The following RRM2 variants were observed in gnomAD, a reference collection of about 807,000 sequenced individuals.
RRM2 encodes ribonucleotide reductase regulatory subunit M2.
In RRM2, 6 loss-of-function variants were observed where a neutral mutation model predicts 45.9. The observed-to-expected ratio is 0.13, with a 90% CI of 0.07 to 0.26. The LOEUF (loss-of-function observed/expected upper bound fraction) is 0.26, where lower values mean the gene tolerates loss of function less well. RRM2 is among the 10% of genes least tolerant of loss of function. The pLI, the probability that RRM2 is intolerant of heterozygous loss-of-function variation, is 1.00. For synonymous variants in RRM2, 177 were observed against 173.0 expected (o/e 1.02, Z -0.18); for missense variants, 343 against 489.5 (o/e 0.70, Z 2.82).
At chr2:10,138,913 G>T (rs1296238444), upstream of RRM2, among the ~76,000 whole-genome samples, 1 of 152,144 alleles carries the variant, frequency 6.6e-6, no homozygotes, top group African/African-American at 2.4e-5. Flanking sequence ...TTTGAGACCA[G>T]CCTGGCCAAC....
chr2:10,167,509 G>T (rs920197892), intron 3 of RRM2, among the ~76,000 whole-genome samples: 1 of 152,148 alleles, frequency 6.6e-6, no homozygotes, highest in Non-Finnish European at 1.5e-5. Context: ...GGCTCTGCAC[G>T]CTGCGCCCTG....
At chr2:10,123,654 CTTAAAG>C (rs1662718661) in intron 3 of RRM2, 76 bp from the exon 4 acceptor site, 2 of 1,427,414 alleles carry the variant, frequency 1.4e-6, no homozygotes, top group African/African-American at 1.4e-5. Flanking sequence ...TGCCAGCATA[CTTAAAG>C]TTTGAGTGCT....
intron 3 of RRM2, among the ~76,000 whole-genome samples, chr2:10,143,678 T>C (rs1663133131): frequency 1.3e-5 from 2 of 152,148 alleles, no homozygotes; most frequent in Admixed American, 1.3e-4. Context: ...TGCACAATTT[T>C]TTTTTTTCTT....
At position 10,171,146 on chromosome 2, in the gene RRM2, G is replaced by T. The variant is rs983411685; in HGVS notation, n.482+28771G>T. 1.3e-5 allele frequency among the ~76,000 whole-genome samples: 2 copies of T among 152,230 alleles called. No individual in the cohort carries two copies. Among genetic ancestry groups the T allele is most frequent in the African/African-American group, 4.8e-5 (2 of 41,462 alleles). On this transcript the variant is annotated intron_variant and non_coding_transcript_variant, in intron 3 of 3. Coordinates refer to the RRM2 transcript ENST00000381786. This position sits in a 1 kb window ranked among gnomAD's most constrained non-coding sequence, Gnocchi z 4.1. ...GGGGCCTGCACAGACCCCAGGCATC[G>T]AGCCTGCGATGGGGCAACGTGTGGT...
chr2:10,140,279 A>G (rs1663057024), upstream of RRM2, among the ~76,000 whole-genome samples: 1 of 152,050 alleles, frequency 6.6e-6, no homozygotes, highest in South Asian at 2.1e-4. Flanking sequence ...TCAAAAGAAC[A>G]TTTCGTGTTG....
At chr2:10,162,352 G>T (rs886355522) in intron 3 of RRM2, among the ~76,000 whole-genome samples, 1 of 152,198 alleles carries the variant, frequency 6.6e-6, no homozygotes, top group Non-Finnish European at 1.5e-5. Context: ...GTGTGGGCGT[G>T]TGCAGGGCGG....
At position 10,196,780 on chromosome 2, in the gene RRM2, C is replaced by T. The variant is rs192501813; in HGVS notation, n.483-13531C>T. Among the ~76,000 whole-genome samples the T allele has an allele frequency of 1.9e-3, 285 of 152,344 alleles. 2 individuals are homozygous for T. Among genetic ancestry groups the T allele is most frequent in the African/African-American group, 6.5e-3 (269 of 41,582 alleles). ...AGATGCCAAGCCAGAGCCGGGAGGC[C>T]AGAGGGAGGGCCGCAGCCGGGACAG... On this transcript the variant is annotated intron_variant and non_coding_transcript_variant, in intron 3 of 3. Coordinates refer to the RRM2 transcript ENST00000381786.
At chr2:10,193,633 C>A (rs1021982288) in intron 3 of RRM2, among the ~76,000 whole-genome samples, 2 of 152,228 alleles carry the variant, frequency 1.3e-5, no homozygotes, top group Non-Finnish European at 2.9e-5. Flanking sequence ...GACTGCCTAC[C>A]ACACGCCCGG....
intron 3 of RRM2, among the ~76,000 whole-genome samples, chr2:10,210,001 C>T (rs2125336596): frequency 6.6e-6 from 1 of 152,306 alleles, no homozygotes; most frequent in Non-Finnish European, 1.5e-5. Context: ...TCCTGCTGCC[C>T]AGCAGCCTGG....
chr2:10,181,444 T>TAC (rs1235743888), intron 3 of RRM2, among the ~76,000 whole-genome samples: 2 of 152,244 alleles, frequency 1.3e-5, no homozygotes, highest in African/African-American at 4.8e-5. Context: ...TGTGTATTTT[T>TAC]ATTTCTAGTC....
chr2:10,167,156 G>T (rs1474118667), intron 3 of RRM2, among the ~76,000 whole-genome samples: 2 of 152,194 alleles, frequency 1.3e-5, no homozygotes, highest in African/African-American at 4.8e-5. Flanking sequence ...CCCCTGCGTG[G>T]CACCCTCCTG....
In RRM2 at chr2:10,151,311, TTTTG is replaced by T. The variant is rs757699519; in HGVS notation, n.482+8938_482+8941del. Among the ~76,000 whole-genome samples, 319 of 91,110 alleles carry T rather than the reference TTTTG, an allele frequency of 3.5e-3. 12 individuals are homozygous for T. The highest frequency in any genetic ancestry group is 5.3e-3 in the Middle Eastern group (1 of 188). The allele number at this position is 91,110 out of a possible 152,430, so 59.8% of individuals were successfully genotyped here. A position where few individuals can be genotyped will look rare whatever the true frequency, so the allele number is the denominator to read the frequency against. Reference sequence around the variant, plus strand: ...TGCATGTAGATTTTTTTTTTTTTTTTTTTGTAGACAGAGTCTTGCTCTGTTGCCC... The same window carrying T: ...TGCATGTAGATTTTTTTTTTTTTTTTTAGACAGAGTCTTGCTCTGTTGCCC... On this transcript the variant is annotated intron_variant and non_coding_transcript_variant, in intron 3 of 3. Coordinates refer to the RRM2 transcript ENST00000381786.
chr2:10,167,736 G>C (rs926276307), intron 3 of RRM2, among the ~76,000 whole-genome samples: 2 of 152,170 alleles, frequency 1.3e-5, no homozygotes, highest in Non-Finnish European at 2.9e-5. Flanking sequence ...TTCCCACCCA[G>C]AACTCTTCAT....
In RRM2 at chr2:10,205,302, T is replaced by G. The variant is rs75854448; in HGVS notation, n.483-5009T>G. 4.0e-3 allele frequency among the ~76,000 whole-genome samples: 606 copies of G among 152,294 alleles called. 9 individuals are homozygous for G. In the East Asian group the frequency reaches 0.042, roughly 11 times the overall value. The stretch of plus-strand genomic sequence containing the variant: ...CAGCTTGAATGGGGCCTGTGATATC[T>G]GCGGCCAGTGCCCTCGGTATGTCCC... On this transcript the variant is annotated intron_variant and non_coding_transcript_variant, in intron 3 of 3. Transcript: ENST00000381786. This position sits in a 1 kb window ranked among gnomAD's most constrained non-coding sequence, Gnocchi z 4.8.
At chr2:10,196,665 A>C (rs905935893) in intron 3 of RRM2, among the ~76,000 whole-genome samples, 1 of 152,226 alleles carries the variant, frequency 6.6e-6, no homozygotes, top group Non-Finnish European at 1.5e-5. Context: ...TGGCCTGAGC[A>C]GCCATCCGGA....
chr2:10,189,929 G>A (rs535752765), intron 3 of RRM2, among the ~76,000 whole-genome samples: 3 of 152,378 alleles, frequency 2.0e-5, no homozygotes, highest in South Asian at 4.1e-4. Context: ...GGTGAATGGA[G>A]ATGATGGTGA....
In RRM2 at chr2:10,129,626, G is replaced by A; in HGVS notation, c.*240G>A. 1 of 509,448 alleles carries A rather than the reference G, an allele frequency of 2.0e-6. No individual in the cohort carries two copies. Among genetic ancestry groups the A allele is most frequent in the Non-Finnish European group, 3.5e-6 (1 of 289,528 alleles). 31.6% of individuals were successfully genotyped at this position (509,448 alleles called of 1,614,324 possible). ...CCATAGCAGTGACAATGGCAGTCTT[G>A]GCTTTAAAGTGAGGGGTGACCCTTT... On this transcript the variant is annotated 3_prime_UTR_variant, in exon 10 of 10. Transcript: ENST00000304567. The surrounding 1 kb of genome is among the most constrained non-coding windows in gnomAD (Gnocchi z 4.8).
chr2:10,171,645 A>G lies in RRM2; in HGVS notation n.482+29270A>G, dbSNP rs897926180. ...AGCAGCAGCAGCCGCTGTCCTGAGC[A>G]TCTGGGTCAGGACGACACGGATGCC... is the stretch of plus-strand genomic sequence containing the variant. On this transcript the variant is annotated intron_variant and non_coding_transcript_variant, in intron 3 of 3. Transcript: ENST00000381786. The surrounding 1 kb of genome is among the most constrained non-coding windows in gnomAD (Gnocchi z 4.1). Among the ~76,000 whole-genome samples the G allele has an allele frequency of 2.6e-5, 4 of 152,158 alleles. No homozygotes were observed. Among genetic ancestry groups the G allele is most frequent in the African/African-American group, 9.7e-5 (4 of 41,438 alleles).
chr2:10,132,259 C>T (rs753571640), downstream of RRM2, among the ~76,000 whole-genome samples: 3 of 152,208 alleles, frequency 2.0e-5, no homozygotes, highest in Non-Finnish European at 4.4e-5. Context: ...GAAGATGGGG[C>T]GCTAAGCCAG....
Sources: gnomAD v4.1 joint callset for allele counts (sites outside exome capture counted in the v4.1 genomes callset) on GRCh38, gnomAD v4.1.1 for gene constraint, Gnocchi (gnomAD v3.1) non-coding constraint, MANE v1.5 for transcripts, NCBI Gene and HGNC (gene_info 2026-07-23, HGNC 2026-07-21) for gene names.